The following PARPBP variants were observed in gnomAD, a reference collection of about 807,000 sequenced individuals.
The protein encoded by PARPBP is PCNA-interacting partner.
In PARPBP, 52 loss-of-function variants were observed where a neutral mutation model predicts 50.0. The observed-to-expected ratio is 1.04, with a 90% CI of 0.83 to 1.31. The LOEUF is 1.31. PARPBP is among the 50% of genes most tolerant of loss of function. The pLI is 0.00. For missense variants in PARPBP, 697 were observed against 672.0 expected (o/e 1.04, Z -0.41); for synonymous variants, 244 against 232.1 (o/e 1.05, Z -0.47).
chr12:102,123,828 A>T lies in PARPBP; in HGVS notation c.-3-58A>T. 3 of 1,185,298 alleles carry T rather than the reference A, an allele frequency of 2.5e-6. No individual in the cohort carries two copies. In the South Asian group the frequency reaches 4.0e-5, roughly 16 times the overall value. 73.4% of individuals were successfully genotyped at this position (1,185,298 alleles called of 1,614,324 possible). A position where few individuals can be genotyped will look rare whatever the true frequency, so the allele number is the denominator to read the frequency against. On this transcript the variant is annotated intron_variant, in intron 1 of 10. Transcript: ENST00000327680. ...TATCTGTGCTTGCCTATACATGTTA[A>T]ATGTTAATTTCAGGTTAACATAAGA...
At chr12:102,123,377 G>A (rs570477150) in intron 1 of PARPBP, among the ~76,000 whole-genome samples, 6 of 152,124 alleles carry the variant, frequency 3.9e-5, no homozygotes, top group South Asian at 2.1e-4. Context: ...CTCCCACAGC[G>A]TCATTCTTGC....
chr12:102,191,508 A>G (rs897012537), intron 9 of PARPBP, among the ~76,000 whole-genome samples: 1 of 152,162 alleles, frequency 6.6e-6, no homozygotes, highest in African/African-American at 2.4e-5. Context: ...ACTTGCTAAT[A>G]TATTTATTGG....
intron 2 of PARPBP, among the ~76,000 whole-genome samples, chr12:102,139,447 T>C (rs184482570): frequency 1.3e-5 from 2 of 152,284 alleles, no homozygotes; most frequent in East Asian, 3.9e-4. Flanking sequence ...ATTTGACTTC[T>C]TCTTTTCCTA....
intron 9 of PARPBP, among the ~76,000 whole-genome samples, chr12:102,190,095 G>T (rs573013908): frequency 1.4e-4 from 21 of 152,114 alleles, no homozygotes; most frequent in African/African-American, 4.6e-4. Context: ...AAAATTTATT[G>T]TGGATACATA....
intron 9 of PARPBP, among the ~76,000 whole-genome samples, chr12:102,192,184 C>T (rs1260566544): frequency 2.0e-5 from 3 of 152,058 alleles, no homozygotes; most frequent in Non-Finnish European, 4.4e-5. Context: ...TCTGAGATAT[C>T]TAATTGAACA....
At chr12:102,176,113 G>A (rs1889251166) in intron 7 of PARPBP, among the ~76,000 whole-genome samples, 3 of 151,856 alleles carry the variant, frequency 2.0e-5, no homozygotes, top group Admixed American at 2.0e-4. Flanking sequence ...CTCCCGAGTA[G>A]CTGGAATTAC....
intron 6 of PARPBP, among the ~76,000 whole-genome samples, chr12:102,171,761 C>T (rs1045432227): frequency 2.0e-5 from 3 of 151,296 alleles, no homozygotes; most frequent in Non-Finnish European, 4.4e-5. Flanking sequence ...CCCAGCTACT[C>T]GGGAGGCTGA....
chr12:102,176,061 C>T (rs1188222879), intron 7 of PARPBP, among the ~76,000 whole-genome samples: 1 of 151,666 alleles, frequency 6.6e-6, no homozygotes, highest in Non-Finnish European at 1.5e-5. Flanking sequence ...TGGTTCACTG[C>T]AACCTCTGCC....
At chr12:102,183,975 A>C (rs370408614) in intron 9 of PARPBP, among the ~76,000 whole-genome samples, 5 of 147,148 alleles carry the variant, frequency 3.4e-5, no homozygotes, top group African/African-American at 1.3e-4. Context: ...AGGCAGGAGA[A>C]TCGCTTGAGT....
At chr12:102,162,259 A>G (rs1393775300) in intron 4 of PARPBP, among the ~76,000 whole-genome samples, 1 of 152,192 alleles carries the variant, frequency 6.6e-6, no homozygotes, top group African/African-American at 2.4e-5. Flanking sequence ...TTTAGTTTTA[A>G]TAAGGGAAAT....
intron 9 of PARPBP, among the ~76,000 whole-genome samples, chr12:102,188,108 T>A (rs2137213827): frequency 6.6e-6 from 1 of 152,162 alleles, no homozygotes; most frequent in Non-Finnish European, 1.5e-5. Context: ...GTCAACAAAT[T>A]GGAAACTTTA....
intron 2 of PARPBP, among the ~76,000 whole-genome samples, chr12:102,142,865 A>T (rs1003114153): frequency 1.4e-4 from 21 of 152,202 alleles, no homozygotes; most frequent in African/African-American, 4.6e-4. Flanking sequence ...TTCGTCTCAG[A>T]GGGACACCCG....
chr12:102,124,841 A>G (rs1039963616), intron 2 of PARPBP, among the ~76,000 whole-genome samples: 1 of 152,200 alleles, frequency 6.6e-6, no homozygotes, highest in Non-Finnish European at 1.5e-5. Context: ...TTTAGATTCC[A>G]TAGACAGTAA....
chr12:102,177,281 G>A (rs1297819402), intron 7 of PARPBP, among the ~76,000 whole-genome samples: 1 of 152,170 alleles, frequency 6.6e-6, no homozygotes, highest in Non-Finnish European at 1.5e-5. Flanking sequence ...GCTTATAACA[G>A]ATGTCCCAGA....
At chr12:102,121,576 CAG>C (rs1881108351) in intron 1 of PARPBP, among the ~76,000 whole-genome samples, 2 of 103,340 alleles carry the variant, frequency 1.9e-5, no homozygotes, top group African/African-American at 4.0e-5. Context: ...TTTTTTAAGA[CAG>C]AGTCTCACTC....
In PARPBP at chr12:102,196,513, A is replaced by G. The variant is rs142933593; in HGVS notation, c.*222A>G. The G allele has an allele frequency of 1.9e-4, 148 of 763,000 alleles. 1 individual carries two copies. The East Asian group carries it at 3.6e-3, about 19-fold the overall frequency. 47.3% of individuals were successfully genotyped at this position (763,000 alleles called of 1,614,324 possible). ...ACAGAGAAAGCATATCATTTCAGTTACTGATACATCTTAACACTACTTTCT... is the reference window on the plus strand; with the variant it reads ...ACAGAGAAAGCATATCATTTCAGTTGCTGATACATCTTAACACTACTTTCT... On this transcript the variant is annotated 3_prime_UTR_variant, in exon 11 of 11. Coordinates refer to ENST00000327680, the MANE Select transcript of PARPBP (RefSeq NM_017915.5).
intron 2 of PARPBP, among the ~76,000 whole-genome samples, chr12:102,140,867 T>A (rs1395547491): frequency 1.3e-5 from 2 of 152,228 alleles, no homozygotes; most frequent in East Asian, 3.8e-4. Context: ...AGAATTTCTG[T>A]TCTTTTACAT....
chr12:102,129,957 A>C (rs1882595814), intron 2 of PARPBP, among the ~76,000 whole-genome samples: 1 of 152,254 alleles, frequency 6.6e-6, no homozygotes, highest in South Asian at 2.1e-4. Flanking sequence ...CAAAAAGAAG[A>C]AAGCAGGTGG....
At chr12:102,120,588 C>T in intron 1 of PARPBP, 1 of 439,050 alleles carries the variant, frequency 2.3e-6, no homozygotes, top group Non-Finnish European at 4.6e-6. Flanking sequence ...TCTAGTCCCA[C>T]TATGTACACG....
Sources: allele counts gnomAD v4.1 joint callset (sites outside exome capture counted in the v4.1 genomes callset), GRCh38; gene constraint gnomAD v4.1.1; transcripts MANE v1.5; gene names NCBI Gene and HGNC (gene_info 2026-07-23, HGNC 2026-07-21).